The following DNAI3 variants were observed in gnomAD, a reference collection of about 807,000 sequenced individuals.
DNAI3 encodes WD repeat domain 63.
DNAI3 carries 83 observed loss-of-function variants against 115.5 expected under a neutral mutation model. The ratio of observed to expected loss-of-function variants is 0.72; its 90% CI spans 0.60 to 0.86. DNAI3 has a LOEUF of 0.86. Among genes scored for constraint, DNAI3 ranks in the 40% least tolerant of loss-of-function variants. The probability of loss-of-function intolerance (pLI) is 0.00; values close to 1 mark genes in which losing one functional copy is unlikely to be tolerated. For missense variants in DNAI3, 1,004 were observed against 1,075.8 expected (o/e 0.93, Z 0.93); for synonymous variants, 320 against 347.0 (o/e 0.92, Z 0.86).
intron 19 of DNAI3, among the ~76,000 whole-genome samples, chr1:85,125,038 C>G (rs1656092848): frequency 6.6e-6 from 1 of 152,020 alleles, no homozygotes; most frequent in Admixed American, 6.6e-5. Context: ...AGGGAGGCAG[C>G]AAGAGTGTGG....
chr1:85,096,018 C>T lies in DNAI3; in HGVS notation c.1261C>T (p.Gln421Ter). The change falls in exon 11 of 23, where the codon CAG (glutamine) becomes TAG (stop). Residue 421 changes from glutamine to a stop codon, truncating the protein, a stop_gained and splice_region_variant. Transcript: ENST00000294664. LOFTEE classifies it high-confidence loss of function. ...CATTGCTGGAGGCTGTATCAATGGGCAGGTACTTAACAGAATTTTTTTCAG... is the reference window on the plus strand; with the variant it reads ...CATTGCTGGAGGCTGTATCAATGGGTAGGTACTTAACAGAATTTTTTTCAG... ...NIIAGGCING[Q>*]IVMWDITAHA... 1 of 1,613,486 alleles carries T rather than the reference C, an allele frequency of 6.2e-7. No individual in the cohort carries two copies. The highest frequency in any genetic ancestry group is 8.5e-7 in the Non-Finnish European group (1 of 1,179,642).
At chr1:85,063,041 T>G (rs1653984626) in intron 1 of DNAI3, among the ~76,000 whole-genome samples, 1 of 152,214 alleles carries the variant, frequency 6.6e-6, no homozygotes, top group Admixed American at 6.5e-5. Context: ...ACCCAGTACC[T>G]AATTGCTGCG....
At position 85,085,338 on chromosome 1, in the gene DNAI3, A is replaced by G. The variant is rs1654766301; in HGVS notation, c.541-493A>G. 2.6e-5 allele frequency among the ~76,000 whole-genome samples: 4 copies of G among 152,186 alleles called. No individual in the cohort carries two copies. In the South Asian group the frequency reaches 8.3e-4, roughly 32 times the overall value. On this transcript the variant is annotated intron_variant, in intron 6 of 22. Coordinates refer to ENST00000294664, the MANE Select transcript of DNAI3 (RefSeq NM_145172.5). ...CTAATATAGTGGCATTCCCTCTCAA[A>G]GGAACTCCTGTGAGGGGGAATTGTG...
intron 6 of DNAI3, among the ~76,000 whole-genome samples, chr1:85,085,249 G>A (rs905671538): frequency 6.6e-6 from 1 of 152,212 alleles, no homozygotes; most frequent in Non-Finnish European, 1.5e-5. Flanking sequence ...AACTGTAAGA[G>A]AATAAGTTTC....
chr1:85,132,756 G>T, intron 22 of DNAI3, 99 bp from the exon 23 acceptor site: 1 of 1,436,704 alleles, frequency 7.0e-7, no homozygotes, highest in Non-Finnish European at 9.3e-7. Context: ...CCAGAAAACA[G>T]CAGCCAGGTC....
chr1:85,090,598 A>T (rs924493015), intron 8 of DNAI3, among the ~76,000 whole-genome samples: 1 of 152,206 alleles, frequency 6.6e-6, no homozygotes, highest in African/African-American at 2.4e-5. Flanking sequence ...TGCTGTGGCC[A>T]TTATTATGAT....
intron 10 of DNAI3, 58 bp downstream of exon 10, chr1:85,094,613 C>A: frequency 6.3e-7 from 1 of 1,576,498 alleles, no homozygotes; most frequent in Non-Finnish European, 8.6e-7. Context: ...TTCATGTATA[C>A]CTTTAGCAGT....
At chr1:85,118,590 A>G (rs1655902084) in intron 17 of DNAI3, among the ~76,000 whole-genome samples, 1 of 152,138 alleles carries the variant, frequency 6.6e-6, no homozygotes, top group South Asian at 2.1e-4. Context: ...CCAGAATGCA[A>G]TCTTCATCCA....
chr1:85,131,927 G>T (rs1656337838), intron 22 of DNAI3, among the ~76,000 whole-genome samples: 1 of 152,130 alleles, frequency 6.6e-6, no homozygotes. Context: ...TTTCCAAAAC[G>T]TTCCCAACTT....
intron 7 of DNAI3, among the ~76,000 whole-genome samples, chr1:85,088,379 CA>C (rs1654860963): frequency 6.6e-6 from 1 of 152,062 alleles, no homozygotes; most frequent in Admixed American, 6.5e-5. Flanking sequence ...AAAAGGAACT[CA>C]AGTGGTTTAA....
chr1:85,068,446 C>T (rs1654163194), intron 1 of DNAI3, among the ~76,000 whole-genome samples: 1 of 152,166 alleles, frequency 6.6e-6, no homozygotes, highest in African/African-American at 2.4e-5. Flanking sequence ...TCACTTTTCC[C>T]ATATCACTTT....
intron 3 of DNAI3, among the ~76,000 whole-genome samples, chr1:85,077,064 T>C (rs1404143931): frequency 1.3e-5 from 2 of 152,148 alleles, no homozygotes; most frequent in Non-Finnish European, 2.9e-5. Flanking sequence ...TGTCACAAAG[T>C]AGGTTCATGT....
At chr1:85,092,379 A>G (rs968705413) in intron 8 of DNAI3, among the ~76,000 whole-genome samples, 2 of 152,184 alleles carry the variant, frequency 1.3e-5, no homozygotes, top group Non-Finnish European at 2.9e-5. Context: ...ATATTGAACT[A>G]TCTAAAGGAT....
intron 14 of DNAI3, among the ~76,000 whole-genome samples, chr1:85,104,811 TG>T (rs1288921725): frequency 2.7e-5 from 4 of 147,900 alleles, no homozygotes; most frequent in Non-Finnish European, 6.0e-5. Flanking sequence ...GCTTTGTGGT[TG>T]ATAACGTTGT....
At chr1:85,132,416 C>T (rs1325316229) in intron 22 of DNAI3, among the ~76,000 whole-genome samples, 1 of 152,220 alleles carries the variant, frequency 6.6e-6, no homozygotes, top group Non-Finnish European at 1.5e-5. Context: ...GCTCTAGTTG[C>T]ATATGAAATG....
At position 85,117,331 on chromosome 1, in the gene DNAI3, T is replaced by C. The variant is rs1162943266; in HGVS notation, c.1787-398T>C. On this transcript the variant is annotated intron_variant, in intron 16 of 22. Transcript: ENST00000294664. Reference sequence around the variant, plus strand: ...TGATAATGGATGATTTTCGTTCTTTTACTCATGCTTTTCTTTATTCTCCAA... The same window carrying C: ...TGATAATGGATGATTTTCGTTCTTTCACTCATGCTTTTCTTTATTCTCCAA... 2.0e-5 allele frequency among the ~76,000 whole-genome samples: 3 copies of C among 152,250 alleles called. No individual in the cohort carries two copies. The East Asian group carries it at 5.8e-4, about 29-fold the overall frequency.
At chr1:85,102,674 G>T (rs1203586295) in intron 13 of DNAI3, among the ~76,000 whole-genome samples, 1 of 152,162 alleles carries the variant, frequency 6.6e-6, no homozygotes, top group South Asian at 2.1e-4. Context: ...AAGTCATCCA[G>T]ATTTTCAAAC....
chr1:85,089,045 T>C (rs1319161825), intron 7 of DNAI3, among the ~76,000 whole-genome samples: 1 of 152,180 alleles, frequency 6.6e-6, no homozygotes, highest in African/African-American at 2.4e-5. Flanking sequence ...ATTTAATATA[T>C]TACCTCTCAC....
intron 17 of DNAI3, among the ~76,000 whole-genome samples, chr1:85,118,265 A>G (rs1015447328): frequency 6.6e-6 from 1 of 152,264 alleles, no homozygotes; most frequent in Non-Finnish European, 1.5e-5. Flanking sequence ...AATTGGATAT[A>G]ATAATGATAA....
Sources: gnomAD v4.1 joint callset for allele counts (sites outside exome capture counted in the v4.1 genomes callset) on GRCh38, gnomAD v4.1.1 for gene constraint, MANE v1.5 for transcripts, NCBI Gene and HGNC (gene_info 2026-07-23, HGNC 2026-07-21) for gene names.